The following ABRAXAS2 variants were observed in gnomAD, a reference collection of about 807,000 sequenced individuals.
The protein encoded by ABRAXAS2 is BRISC complex subunit Abraxas 2.
ABRAXAS2 carries 23 observed loss-of-function variants against 49.0 expected under a neutral mutation model. The ratio of observed to expected loss-of-function variants is 0.47; its 90% confidence interval spans 0.34 to 0.66. The LOEUF is 0.66. Ranked by LOEUF, ABRAXAS2 falls within the 30% of genes least tolerant of loss-of-function variation. The pLI is 0.01. For synonymous variants in ABRAXAS2, 168 were observed against 180.2 expected (o/e 0.93, Z 0.54); for missense variants, 443 against 511.9 (o/e 0.87, Z 1.30).
chr10:124,822,532 C>T (rs1349175894), intron 4 of ABRAXAS2, among the ~76,000 whole-genome samples: 1 of 151,792 alleles, frequency 6.6e-6, no homozygotes, highest in Non-Finnish European at 1.5e-5. Context: ...GTGGCTCATG[C>T]CTGTAATCCC....
At chr10:124,807,624 GA>G (rs1255147885) in intron 2 of ABRAXAS2, among the ~76,000 whole-genome samples, 2 of 152,048 alleles carry the variant, frequency 1.3e-5, no homozygotes, top group Non-Finnish European at 2.9e-5. Context: ...CAAAAAGAAA[GA>G]AAAAAACTAA....
intron 2 of ABRAXAS2, among the ~76,000 whole-genome samples, chr10:124,807,168 C>G (rs1315659872): frequency 6.6e-6 from 1 of 151,848 alleles, no homozygotes; most frequent in Non-Finnish European, 1.5e-5. Flanking sequence ...AAAAAATTAG[C>G]CGGGCATGGT....
At position 124,812,338 on chromosome 10, in the gene ABRAXAS2, A is replaced by G. The variant is rs967601386; in HGVS notation, c.164-4238A>G. Among the ~76,000 whole-genome samples, 7 of 152,352 alleles carry G rather than the reference A, an allele frequency of 4.6e-5. No individual in the cohort carries two copies. In the East Asian group the frequency reaches 1.2e-3, roughly 25 times the overall value. ...GTATTATCTTAAATGTGTTGTTCCC[A>G]TTGTAACATTTTTCTTTTAAAAATA... On this transcript the variant is annotated intron_variant, in intron 2 of 8. Coordinates refer to ENST00000298492, the MANE Select transcript of ABRAXAS2 (RefSeq NM_032182.4).
In ABRAXAS2 at chr10:124,819,428, G is replaced by T. The variant is rs571531184; in HGVS notation, c.245G>T (p.Arg82Met). 1.2e-6 allele frequency: 2 copies of T among 1,614,028 alleles called. No individual in the cohort carries two copies. The highest frequency in any genetic ancestry group is 2.2e-5 in the South Asian group (2 of 91,078). The change falls in exon 4 of 9, where the codon AGG becomes ATG. Residue 82 changes from arginine to methionine, a missense_variant. Around this residue, in one of 3 missense-constraint regions of ABRAXAS2, gnomAD observed 166 missense variants for 247.3 expected, o/e 0.67. Coordinates refer to ENST00000298492, the MANE Select transcript of ABRAXAS2 (RefSeq NM_032182.4). ...ASKVNEESLD[R>M]ILKDRRKKVI... ...AAAGTGAATGAGGAGAGTTTGGACA[G>T]GATTCTTAAAGATCGGAGAAAGGTA...
In ABRAXAS2 at chr10:124,834,679, C is replaced by T; in HGVS notation, c.956C>T (p.Thr319Ile). The change falls in exon 9 of 9, where the codon ACT becomes ATT. Residue 319 changes from threonine (T) to isoleucine (I), a missense_variant. By Grantham distance (89) the Thr-to-Ile change is moderately conservative (BLOSUM62 -1). Transcript: ENST00000298492. The stretch of plus-strand genomic sequence containing the variant: ...TTTCACCCAAACAATCAAGAAAGTA[C>T]TTTGAGCCACTCTCGCATGGAAAGG... ...SDFHPNNQES[T>I]LSHSRMERSV... 1 of 1,614,142 alleles carries T rather than the reference C, an allele frequency of 6.2e-7. No homozygotes were observed. The highest frequency in any genetic ancestry group is 8.5e-7 in the Non-Finnish European group (1 of 1,180,008).
intron 2 of ABRAXAS2, among the ~76,000 whole-genome samples, chr10:124,808,385 C>G (rs1281835853): frequency 6.6e-6 from 1 of 152,038 alleles, no homozygotes; most frequent in Admixed American, 6.6e-5. Flanking sequence ...ACCGTGTTAG[C>G]CAGGACGGTC....
At chr10:124,820,059 A>C (rs2134166116) in intron 4 of ABRAXAS2, among the ~76,000 whole-genome samples, 1 of 152,348 alleles carries the variant, frequency 6.6e-6, no homozygotes, top group East Asian at 1.9e-4. Context: ...CTCTTGAGGA[A>C]GAAAGTACCA....
chr10:124,833,608 A>G (rs1410062370), intron 8 of ABRAXAS2, among the ~76,000 whole-genome samples: 1 of 152,198 alleles, frequency 6.6e-6, no homozygotes, highest in African/African-American at 2.4e-5. Context: ...ACAGCAAGGA[A>G]GTGAGGTCTG....
In ABRAXAS2 at chr10:124,831,681, C is replaced by T. The variant is rs915261117; in HGVS notation, c.778+218C>T. Among the ~76,000 whole-genome samples, 39 of 151,780 alleles carry T rather than the reference C, an allele frequency of 2.6e-4. 1 individual carries two copies. The highest frequency in any genetic ancestry group is 8.8e-5 in the Non-Finnish European group (6 of 67,984). On this transcript the variant is annotated intron_variant, in intron 8 of 8. Transcript: ENST00000298492. ...CTCTGACACTTGAAGAAAAAGAAGA[C>T]GAAAGGTAGAAAAGCTGAAGTGGAA...
intron 7 of ABRAXAS2, among the ~76,000 whole-genome samples, chr10:124,829,807 A>G (rs972746373): frequency 2.6e-5 from 4 of 152,210 alleles, no homozygotes; most frequent in Admixed American, 6.6e-5. Context: ...AGTAGAGACA[A>G]TATCAAAAGG....
Position 124,801,919 on chromosome 10 carries a change from T to G in ABRAXAS2, c.72+18T>G. ...CGGACCACGTAGGTGCCGGGCCCCCTGCCGCGCCCGCTGGGGGCTTTCAGC... is the reference window on the plus strand; with the variant it reads ...CGGACCACGTAGGTGCCGGGCCCCCGGCCGCGCCCGCTGGGGGCTTTCAGC... On this transcript the variant is annotated intron_variant, in intron 1 of 8. Coordinates refer to ENST00000298492, the MANE Select transcript of ABRAXAS2 (RefSeq NM_032182.4). 6.2e-7 allele frequency: 1 copy of G among 1,609,310 alleles called. No homozygotes were observed. Among genetic ancestry groups the G allele is most frequent in the South Asian group, 1.1e-5 (1 of 90,926 alleles).
At chr10:124,819,570 T>C (rs1293522174) in intron 4 of ABRAXAS2, 120 bp downstream of exon 4, 3 of 909,286 alleles carry the variant, frequency 3.3e-6, no homozygotes, top group Non-Finnish European at 5.1e-6. Flanking sequence ...AAAAGTTTTG[T>C]TAACCTACAT....
intron 7 of ABRAXAS2, among the ~76,000 whole-genome samples, chr10:124,830,388 G>A (rs184919940): frequency 2.9e-4 from 44 of 152,330 alleles, no homozygotes; most frequent in African/African-American, 1.1e-3. Flanking sequence ...CAAAGCTGCA[G>A]TGAGCTACAA....
chr10:124,822,377 C>T (rs1216403617), intron 4 of ABRAXAS2, among the ~76,000 whole-genome samples: 2 of 152,072 alleles, frequency 1.3e-5, no homozygotes, highest in African/African-American at 4.8e-5. Flanking sequence ...GGATGCTAGT[C>T]AGACTTGGGA....
chr10:124,813,122 A>T (rs1477699477), intron 2 of ABRAXAS2, among the ~76,000 whole-genome samples: 1 of 152,056 alleles, frequency 6.6e-6, no homozygotes, highest in African/African-American at 2.4e-5. Flanking sequence ...AATCGCTTGA[A>T]TGTGGGAGGC....
chr10:124,834,736 G>T lies in ABRAXAS2; in HGVS notation c.1013G>T (p.Gly338Val). 7 of 1,614,104 alleles carry T rather than the reference G, an allele frequency of 4.3e-6. No individual in the cohort carries two copies. The highest frequency in any genetic ancestry group is 5.9e-6 in the Non-Finnish European group (7 of 1,180,040). The stretch of plus-strand genomic sequence containing the variant: ...TTTATGCCTCGACCTCAAGCTGTGG[G>T]CTCTTCCAATTATGCTTCCACCAGT... ...SVFMPRPQAV[G>V]SSNYASTSAG... The change falls in exon 9 of 9, where the codon GGC becomes GTC. Residue 338 changes from glycine (G) to valine (V), a missense_variant. Coordinates refer to ENST00000298492, the MANE Select transcript of ABRAXAS2 (RefSeq NM_032182.4).
chr10:124,827,433 CATCTTTA>C (rs1564924424), intron 5 of ABRAXAS2, among the ~76,000 whole-genome samples: 1 of 152,012 alleles, frequency 6.6e-6, no homozygotes, highest in Non-Finnish European at 1.5e-5. Flanking sequence ...AAACTTTATG[CATCTTTA>C]AATAAAAACT....
At chr10:124,826,272 G>T (rs1950895433) in intron 4 of ABRAXAS2, among the ~76,000 whole-genome samples, 1 of 152,032 alleles carries the variant, frequency 6.6e-6, no homozygotes, top group Non-Finnish European at 1.5e-5. Context: ...TATGTCACTA[G>T]ATTAGTTTTC....
chr10:124,815,392 C>G (rs187444776), intron 2 of ABRAXAS2, among the ~76,000 whole-genome samples: 1 of 152,014 alleles, frequency 6.6e-6, no homozygotes, highest in African/African-American at 2.4e-5. Context: ...GACGAGGTTT[C>G]ACCGTGTTAG....
Sources: gnomAD v4.1 joint callset for allele counts (sites outside exome capture counted in the v4.1 genomes callset) on GRCh38, gnomAD v4.1.1 for gene constraint, gnomAD v4.1.1 regional missense constraint, MANE v1.5 for transcripts, NCBI Gene and HGNC (gene_info 2026-07-23, HGNC 2026-07-21) for gene names.